GALNTL6: variants seen among roughly 807,000 people sequenced by gnomAD.
GALNTL6 encodes the protein polypeptide N-acetylgalactosaminyltransferase like 6, also known as polypeptide N-acetylgalactosaminyltransferase-like 6.
In GALNTL6, 46 loss-of-function variants were observed where a neutral mutation model predicts 73.7. The observed-to-expected ratio is 0.62, with a 90% CI of 0.49 to 0.80. The LOEUF is 0.80. Among genes scored for constraint, GALNTL6 ranks in the 30% least tolerant of loss-of-function variants. The pLI is 0.00. For synonymous variants in GALNTL6, 259 were observed against 263.7 expected (o/e 0.98, Z 0.17); for missense variants, 604 against 755.0 (o/e 0.80, Z 2.34).
intron 4 of GALNTL6, among the ~76,000 whole-genome samples, chr4:172,340,128 G>A (rs1026753359): frequency 5.9e-5 from 9 of 152,038 alleles, no homozygotes; most frequent in Admixed American, 3.3e-4. Flanking sequence ...TTAGCTGTGG[G>A]CTTTTTATAT....
chr4:172,854,391 A>ATTT (rs1744015777), intron 7 of GALNTL6, among the ~76,000 whole-genome samples: 4 of 152,252 alleles, frequency 2.6e-5, no homozygotes, highest in African/African-American at 7.2e-5. Flanking sequence ...GAATTCAAAA[A>ATTT]AATCTTTATT....
chr4:172,614,212 A>T (rs1320844472), intron 5 of GALNTL6, among the ~76,000 whole-genome samples: 1 of 152,002 alleles, frequency 6.6e-6, no homozygotes, highest in Admixed American at 6.6e-5. Context: ...CTGTTTATGT[A>T]ATAGAGTGAT....
intron 2 of GALNTL6, among the ~76,000 whole-genome samples, chr4:171,961,982 T>C (rs1739231982): frequency 6.6e-6 from 1 of 152,244 alleles, no homozygotes; most frequent in Admixed American, 6.5e-5. Flanking sequence ...CTCAATGTAC[T>C]CTTAAATCGA....
chr4:172,606,687 G>GTATA (rs1444244759), intron 5 of GALNTL6, among the ~76,000 whole-genome samples: 1 of 70,280 alleles, frequency 1.4e-5, no homozygotes, highest in African/African-American at 4.0e-5. Context: ...TATATATATA[G>GTATA]TATATATATA....
chr4:172,792,974 T>C (rs1326971645), intron 5 of GALNTL6, among the ~76,000 whole-genome samples: 1 of 152,184 alleles, frequency 6.6e-6, no homozygotes, highest in African/African-American at 2.4e-5. Context: ...ATGTCATTTG[T>C]CTCAATCCCC....
At chr4:172,567,563 T>TGGTA (rs1369596711) in intron 5 of GALNTL6, among the ~76,000 whole-genome samples, 1 of 152,160 alleles carries the variant, frequency 6.6e-6, no homozygotes, top group East Asian at 1.9e-4. Flanking sequence ...TGGCCGGGTG[T>TGGTA]GGTAGCTCAC....
chr4:172,237,138 C>T (rs1737271204), intron 3 of GALNTL6, among the ~76,000 whole-genome samples: 1 of 152,156 alleles, frequency 6.6e-6, no homozygotes, highest in Non-Finnish European at 1.5e-5. Flanking sequence ...TAAGTTGATT[C>T]CATGTCTTTG....
At chr4:172,754,251 C>A (rs1169760423) in intron 5 of GALNTL6, among the ~76,000 whole-genome samples, 1 of 151,982 alleles carries the variant, frequency 6.6e-6, no homozygotes, top group Admixed American at 6.6e-5. Flanking sequence ...TACATACATA[C>A]AGAAAAGGAA....
At chr4:172,379,787 G>A (rs1346698896) in intron 5 of GALNTL6, among the ~76,000 whole-genome samples, 2 of 152,108 alleles carry the variant, frequency 1.3e-5, no homozygotes, top group Non-Finnish European at 2.9e-5. Context: ...GCAGAGAGGG[G>A]CCACTGCTTT....
At chr4:172,153,682 T>C (rs1734166245) in intron 2 of GALNTL6, among the ~76,000 whole-genome samples, 1 of 152,220 alleles carries the variant, frequency 6.6e-6, no homozygotes, top group East Asian at 1.9e-4. Flanking sequence ...TACTAGATAT[T>C]GTTCTCACAG....
chr4:172,043,314 T>C (rs1742138068), intron 2 of GALNTL6, among the ~76,000 whole-genome samples: 1 of 152,006 alleles, frequency 6.6e-6, no homozygotes. Flanking sequence ...TTTTTATTAT[T>C]ACCATTCGTA....
At chr4:172,796,543 G>T (rs1011402442) in intron 5 of GALNTL6, among the ~76,000 whole-genome samples, 11 of 152,042 alleles carry the variant, frequency 7.2e-5, no homozygotes, top group African/African-American at 2.2e-4. Flanking sequence ...TTATGCTGTT[G>T]GTTCTTTGCA....
At chr4:173,023,134 C>G (rs72708768) in intron 12 of GALNTL6, among the ~76,000 whole-genome samples, 3,422 of 152,260 alleles carry the variant, frequency 0.022, 71 homozygotes, top group Non-Finnish European at 0.031. Context: ...AGTGTCCCCC[C>G]AAATTACAGA....
chr4:171,995,770 A>G (rs974894920), intron 2 of GALNTL6, among the ~76,000 whole-genome samples: 1 of 152,058 alleles, frequency 6.6e-6, no homozygotes, highest in Non-Finnish European at 1.5e-5. Flanking sequence ...CTGTAACAAT[A>G]GAAGCTAAAT....
At chr4:173,021,341 G>A in intron 11 of GALNTL6, 135 bp from the exon 12 acceptor site, 2 of 868,414 alleles carry the variant, frequency 2.3e-6, no homozygotes, top group South Asian at 3.3e-5. Flanking sequence ...ACCTCTGTTA[G>A]GCTGAGACTT....
At chr4:172,617,045 A>G (rs1483730731) in intron 5 of GALNTL6, among the ~76,000 whole-genome samples, 1 of 147,120 alleles carries the variant, frequency 6.8e-6, no homozygotes, top group Non-Finnish European at 1.5e-5. Context: ...AATGTTTCGC[A>G]TTTTTTTTTT....
chr4:172,316,943 C>G (rs1740581004), intron 4 of GALNTL6, among the ~76,000 whole-genome samples: 1 of 152,176 alleles, frequency 6.6e-6, no homozygotes, highest in African/African-American at 2.4e-5. Context: ...GAAGAAGGAG[C>G]TGGCCAACTA....
chr4:172,000,152 T>C (rs113137076), intron 2 of GALNTL6, among the ~76,000 whole-genome samples: 25 of 152,282 alleles, frequency 1.6e-4, no homozygotes, highest in African/African-American at 5.3e-4. Context: ...CTTCAGTACA[T>C]TCTTGAAGAG....
chr4:172,678,990 G>A (rs988833268), intron 5 of GALNTL6, among the ~76,000 whole-genome samples: 1 of 152,134 alleles, frequency 6.6e-6, no homozygotes, highest in Admixed American at 6.5e-5. Context: ...ACACAGCCAT[G>A]AACAATATAA....
Sources: allele counts gnomAD v4.1 joint callset (sites outside exome capture counted in the v4.1 genomes callset), GRCh38; gene constraint gnomAD v4.1.1; transcripts MANE v1.5; gene names NCBI Gene and HGNC (gene_info 2026-07-23, HGNC 2026-07-21).